Variants in ARVCF observed in about 807,000 individuals in gnomAD.
ARVCF encodes ARVCF delta catenin family member.
In ARVCF, 66 loss-of-function variants were observed where a neutral mutation model predicts 90.9. The ratio of observed to expected loss-of-function variants is 0.73; its 90% CI spans 0.60 to 0.89. ARVCF has a LOEUF of 0.89. Among genes scored for constraint, ARVCF ranks in the 40% least tolerant of loss-of-function variants. The pLI, the probability that ARVCF is intolerant of heterozygous loss-of-function variation, is 0.00. For synonymous variants in ARVCF, 653 were observed against 603.4 expected, an observed-to-expected ratio of 1.08 and a Z score of -1.21; for missense variants, 1,469 against 1,382.3, an observed-to-expected ratio of 1.06 and a Z score of -1.00.
chr22:20,006,776 C>T (rs915034206), intron 2 of ARVCF, among the ~76,000 whole-genome samples: 2 of 151,304 alleles, frequency 1.3e-5, no homozygotes, highest in South Asian at 2.1e-4. Flanking sequence ...GGACTACAGG[C>T]GCGTGCCACC....
At chr22:20,014,422 T>A (rs896001314) in intron 1 of ARVCF, among the ~76,000 whole-genome samples, 2 of 152,216 alleles carry the variant, frequency 1.3e-5, no homozygotes, top group African/African-American at 4.8e-5. Context: ...GTCAAACTCC[T>A]GACCTCAGGT....
At chr22:19,978,248 C>T (rs1424443892) in intron 7 of ARVCF, among the ~76,000 whole-genome samples, 173 bp from the exon 8 acceptor site, 2 of 152,156 alleles carry the variant, frequency 1.3e-5, no homozygotes, top group East Asian at 1.9e-4. Flanking sequence ...AAGCTAACTG[C>T]CCCCAGGCCT....
intron 2 of ARVCF, among the ~76,000 whole-genome samples, chr22:19,995,478 C>T (rs1025471995): frequency 1.3e-5 from 2 of 152,064 alleles, no homozygotes; most frequent in Non-Finnish European, 2.9e-5. Flanking sequence ...CCCTCTGGGG[C>T]AAACCATGGT....
chr22:19,994,956 G>A (rs944363927), intron 2 of ARVCF, among the ~76,000 whole-genome samples: 16 of 152,020 alleles, frequency 1.1e-4, no homozygotes, highest in African/African-American at 3.9e-4. Flanking sequence ...GGACAGATTG[G>A]GGAATGAGGG....
intron 2 of ARVCF, among the ~76,000 whole-genome samples, chr22:19,996,817 A>C (rs893227592): frequency 5.9e-5 from 9 of 151,896 alleles, no homozygotes. Flanking sequence ...ACTGTCAGAG[A>C]GCCATAATCA....
chr22:19,979,183 C>T (rs1000984058), intron 6 of ARVCF, 103 bp from the exon 7 acceptor site: 28 of 1,273,130 alleles, frequency 2.2e-5, no homozygotes, highest in Non-Finnish European at 3.1e-5. Context: ...CATGTCCCAG[C>T]TCATGCAGAA....
chr22:19,981,924 T>C lies in ARVCF; in HGVS notation c.369+9A>G, dbSNP rs374957762. 114 of 1,611,410 alleles carry C rather than the reference T, an allele frequency of 7.1e-5. No homozygotes were observed. The Middle Eastern group carries it at 2.1e-3, about 30-fold the overall frequency. On this transcript the variant is annotated intron_variant, in intron 4 of 19. Coordinates refer to ENST00000263207, the MANE Select transcript of ARVCF (RefSeq NM_001670.3). ...TGCTCACCCACCCACTGCCTGGGCCTGGCCATACCTTGGTCTCGGTGCGCC... is the reference window on the plus strand; with the variant it reads ...TGCTCACCCACCCACTGCCTGGGCCCGGCCATACCTTGGTCTCGGTGCGCC...
Position 19,973,257 on chromosome 22 carries a change from G to C in ARVCF, c.2300C>G (p.Pro767Arg). The C allele has an allele frequency of 1.2e-6, 2 of 1,609,190 alleles. No individual in the cohort carries two copies. Among genetic ancestry groups the C allele is most frequent in the Non-Finnish European group, 8.5e-7 (1 of 1,178,850 alleles). ...GGTGTCTTCCTCCAGGCAGGCCCCC[G>C]GTCGCGGCGGAGCCTGTGCATTGCG... ...NVRNAQAPPRPGACLEEDTVV... is the reference protein window; with the variant it reads ...NVRNAQAPPRRGACLEEDTVV... Residue 767 changes from proline to arginine, a missense_variant, in exon 14 of 20, where the codon CCG becomes CGG. Physicochemically the swap from Pro to Arg is moderately radical, Grantham distance 103. Transcript: ENST00000263207.
At chr22:19,989,435 G>A (rs1943944157) in intron 3 of ARVCF, among the ~76,000 whole-genome samples, 1 of 152,164 alleles carries the variant, frequency 6.6e-6, no homozygotes, top group African/African-American at 2.4e-5. Flanking sequence ...ACCAACCCCA[G>A]GTCCCTCGGC....
At chr22:19,997,079 C>A (rs946387141) in intron 2 of ARVCF, among the ~76,000 whole-genome samples, 1 of 152,238 alleles carries the variant, frequency 6.6e-6, no homozygotes, top group Non-Finnish European at 1.5e-5. Flanking sequence ...ACCAAAGCTA[C>A]ACTGGCCAGC....
At chr22:19,983,510 G>A (rs1943610139) in intron 3 of ARVCF, among the ~76,000 whole-genome samples, 1 of 152,226 alleles carries the variant, frequency 6.6e-6, no homozygotes, top group Admixed American at 6.5e-5. Context: ...GTCCAGGAAG[G>A]GGCCTGCACC....
At chr22:19,965,925 C>G (rs1048146776), downstream of ARVCF, among the ~76,000 whole-genome samples, 1 of 152,216 alleles carries the variant, frequency 6.6e-6, no homozygotes, top group Non-Finnish European at 1.5e-5. Flanking sequence ...TGGCAGAGAG[C>G]TGGCACTCAG....
At chr22:19,977,654 G>A (rs1308379364) in intron 8 of ARVCF, 68 bp from the exon 9 acceptor site, 1 of 1,475,366 alleles carries the variant, frequency 6.8e-7, no homozygotes, top group Non-Finnish European at 9.0e-7. Flanking sequence ...GGAAAGACTG[G>A]CCACAGCTGG....
In ARVCF at chr22:19,980,048, AGCACCTCAG is replaced by A; in HGVS notation, c.1082_1090del (p.Pro361_Val363del). On this transcript the variant is annotated inframe_deletion, in exon 6 of 20. Coordinates refer to ENST00000263207, the MANE Select transcript of ARVCF (RefSeq NM_001670.3). ...GTCCACGGGGTGCCGCAGCATGGCC[AGCACCTCAG>A]GCAGCTCAGGGTCCCGCCAGCGCGG... 6.3e-7 allele frequency: 1 copy of A among 1,585,198 alleles called. No homozygotes were observed.
intron 3 of ARVCF, among the ~76,000 whole-genome samples, chr22:19,983,112 G>T (rs753940481): frequency 6.6e-6 from 1 of 152,268 alleles, no homozygotes; most frequent in Non-Finnish European, 1.5e-5. Flanking sequence ...TGGCCCCAGG[G>T]CCACATGGCA....
At chr22:19,990,873 G>A (rs1944001775) in intron 2 of ARVCF, 61 bp from the exon 3 acceptor site, 5 of 1,469,380 alleles carry the variant, frequency 3.4e-6, no homozygotes, top group Non-Finnish European at 4.6e-6. Context: ...GCCATCATGG[G>A]CCCCTGCCCG....
At position 19,977,585 on chromosome 22, in the gene ARVCF, G is replaced by A. The variant is rs369902570; in HGVS notation, c.1700C>T (p.Ser567Leu). The A allele has an allele frequency of 1.1e-4, 166 of 1,518,540 alleles. No individual in the cohort carries two copies. Among genetic ancestry groups the A allele is most frequent in the Middle Eastern group, 2.2e-4 (1 of 4,642 alleles). 94.1% of individuals were successfully genotyped at this position (1,518,540 alleles called of 1,614,324 possible). ...AVGRKDTDNK[S>L]VENCVCIMRN... ...CATGATGCACACGCAGTTCTCCACC[G>A]ACTGCAGGGAGAGGTGAGTGGGTGG... The change falls in exon 9 of 20, where the codon TCG becomes TTG. Residue 567 changes from serine (S) to leucine (L), a missense_variant and splice_region_variant. Ser to Leu is a moderately radical substitution (Grantham distance 145). Transcript: ENST00000263207.
chr22:19,973,822 A>C, intron 12 of ARVCF, 29 bp from the exon 13 acceptor site: 1 of 1,587,902 alleles, frequency 6.3e-7, no homozygotes, highest in African/African-American at 1.3e-5. Context: ...GGTTGCTCAG[A>C]CATACATGCC....
chr22:19,997,725 G>A (rs907869329), intron 2 of ARVCF, among the ~76,000 whole-genome samples: 3 of 152,230 alleles, frequency 2.0e-5, no homozygotes, highest in African/African-American at 7.2e-5. Context: ...TGCCAGTGCA[G>A]TGTCTTCTCC....
Sources: gnomAD v4.1 joint callset for allele counts (sites outside exome capture counted in the v4.1 genomes callset) on GRCh38, gnomAD v4.1.1 for gene constraint, MANE v1.5 for transcripts, NCBI Gene and HGNC (gene_info 2026-07-23, HGNC 2026-07-21) for gene names.